BICDL1: variants seen among roughly 807,000 people sequenced by gnomAD.
BICDL1 encodes BICD family like cargo adaptor 1.
BICDL1 carries 20 observed loss-of-function variants against 76.8 expected under a neutral mutation model. The observed-to-expected ratio is 0.26, with a 90% CI of 0.18 to 0.38. The LOEUF is 0.38. Among genes scored for constraint, BICDL1 ranks in the 10% least tolerant of loss-of-function variants. The pLI is 1.00. For missense variants in BICDL1, 700 were observed against 798.6 expected (o/e 0.88, Z 1.49); for synonymous variants, 383 against 337.1 (o/e 1.14, Z -1.49).
intron 9 of BICDL1, among the ~76,000 whole-genome samples, chr12:120,090,549 C>T (rs1041973238): frequency 1.3e-5 from 2 of 151,744 alleles, no homozygotes; most frequent in Admixed American, 6.5e-5. Flanking sequence ...GTCAGTGGGT[C>T]CCTCTCTAGA....
At chr12:120,035,817 C>T (rs1252964258) in intron 2 of BICDL1, among the ~76,000 whole-genome samples, 3 of 152,170 alleles carry the variant, frequency 2.0e-5, no homozygotes, top group Non-Finnish European at 4.4e-5. Context: ...CCTCTTCTTC[C>T]CCCAAGAGGA....
intron 2 of BICDL1, among the ~76,000 whole-genome samples, chr12:120,002,889 G>A (rs1010026461): frequency 1.3e-5 from 2 of 152,164 alleles, no homozygotes; most frequent in African/African-American, 2.4e-5. Flanking sequence ...GGTCATGGTG[G>A]CTCACGCCTG....
At chr12:120,075,581 C>T (rs993145642) in intron 7 of BICDL1, among the ~76,000 whole-genome samples, 3 of 151,982 alleles carry the variant, frequency 2.0e-5, no homozygotes, top group African/African-American at 4.8e-5. Context: ...GATGAGGGTT[C>T]GCCATGTTGC....
chr12:120,023,985 AAC>A (rs1015358546), intron 2 of BICDL1, among the ~76,000 whole-genome samples: 3 of 152,046 alleles, frequency 2.0e-5, no homozygotes, highest in African/African-American at 7.2e-5. Context: ...GAAGATATAA[AAC>A]ACAGACCTAA....
chr12:120,092,179 C>T, intron 9 of BICDL1: 1 of 985,364 alleles, frequency 1.0e-6, no homozygotes, highest in Non-Finnish European at 1.2e-6. Flanking sequence ...AGAATCTAGC[C>T]ACCAAAATGG....
intron 2 of BICDL1, among the ~76,000 whole-genome samples, chr12:120,002,696 G>A (rs1401335788): frequency 6.6e-6 from 1 of 151,976 alleles, no homozygotes; most frequent in Non-Finnish European, 1.5e-5. Flanking sequence ...ATTGATCAAG[G>A]CACTGGGAAT....
chr12:120,040,782 C>T (rs1181869743), intron 2 of BICDL1, among the ~76,000 whole-genome samples: 8 of 139,108 alleles, frequency 5.8e-5, no homozygotes, highest in Non-Finnish European at 1.2e-4. Context: ...CAGTCTCACT[C>T]TGTCGCTCAG....
chr12:119,991,112 C>G lies in BICDL1; in HGVS notation c.429+815C>G, dbSNP rs544774895. On this transcript the variant is annotated intron_variant, in intron 1 of 9. Coordinates refer to ENST00000548673, the MANE Select transcript of BICDL1 (RefSeq NM_001367886.1). ...CTAGAAAAGGGCCTTGAATGCAGTA[C>G]AGAATGCCAGCATTTCTAAAAATTA... 2.0e-5 allele frequency among the ~76,000 whole-genome samples: 3 copies of G among 152,030 alleles called. No homozygotes were observed. The South Asian group carries it at 6.3e-4, about 32-fold the overall frequency.
chr12:120,085,481 G>C (rs943781375), intron 8 of BICDL1, among the ~76,000 whole-genome samples: 6 of 152,138 alleles, frequency 3.9e-5, no homozygotes, highest in Non-Finnish European at 8.8e-5. Context: ...GAATAAAATG[G>C]TAAAATGAAG....
chr12:120,061,599 T>C, intron 2 of BICDL1, 111 bp from the exon 3 acceptor site: 1 of 780,608 alleles, frequency 1.3e-6, no homozygotes, highest in Non-Finnish European at 2.3e-6. Flanking sequence ...CATCTAGTGC[T>C]CCTTAAAGAA....
chr12:120,057,818 CTTTTTTTTTTTTTTTTTT>C (rs143777152), intron 2 of BICDL1, among the ~76,000 whole-genome samples: 2 of 78,324 alleles, frequency 2.6e-5, no homozygotes, highest in African/African-American at 6.4e-5. Flanking sequence ...GCGATTCCTG[CTTTTTTTTTTTTTTTTTT>C]TTTTTTTTTT....
chr12:120,019,699 C>T lies in BICDL1; in HGVS notation c.645+20963C>T, dbSNP rs1241661509. Among the ~76,000 whole-genome samples the T allele has an allele frequency of 3.3e-5, 5 of 152,250 alleles. No individual in the cohort carries two copies. The South Asian group carries it at 6.2e-4, about 19-fold the overall frequency. ...TCCTGGGCTCAACAGATCCCCCTGC[C>T]TCAGCCTCCCAAGTAGCTGGGACTA... On this transcript the variant is annotated intron_variant, in intron 2 of 9. Transcript: ENST00000548673.
chr12:120,084,922 A>T (rs890760870), intron 8 of BICDL1, among the ~76,000 whole-genome samples: 2 of 150,570 alleles, frequency 1.3e-5, no homozygotes, highest in African/African-American at 4.9e-5. Context: ...TCATACTCTA[A>T]CCTCACTTCC....
chr12:120,073,908 C>T (rs1357319606), intron 6 of BICDL1, among the ~76,000 whole-genome samples: 2 of 152,114 alleles, frequency 1.3e-5, no homozygotes, highest in Non-Finnish European at 2.9e-5. Flanking sequence ...ATTGAGCAAT[C>T]TCTTTTTTTT....
At chr12:119,995,648 G>A (rs191236664) in intron 1 of BICDL1, among the ~76,000 whole-genome samples, 3 of 152,272 alleles carry the variant, frequency 2.0e-5, no homozygotes, top group African/African-American at 2.4e-5. Context: ...ATTGCAATTA[G>A]CATTTGTTTC....
chr12:120,022,395 C>G (rs1238356910), intron 2 of BICDL1, among the ~76,000 whole-genome samples: 1 of 147,678 alleles, frequency 6.8e-6, no homozygotes, highest in African/African-American at 2.5e-5. Context: ...GAGACCCTGT[C>G]TCTTAAAAAT....
At chr12:120,034,718 C>T (rs572635416) in intron 2 of BICDL1, among the ~76,000 whole-genome samples, 38 of 152,236 alleles carry the variant, frequency 2.5e-4, no homozygotes, top group African/African-American at 9.1e-4. Context: ...AGCTCCGTGT[C>T]CTCTTCTAAG....
chr12:120,005,841 A>G (rs1459723366), intron 2 of BICDL1, among the ~76,000 whole-genome samples: 4 of 152,218 alleles, frequency 2.6e-5, no homozygotes, highest in African/African-American at 9.6e-5. Context: ...TGTGTTGGTT[A>G]TAGTGATTTA....
At chr12:120,019,262 T>TA (rs879627933) in intron 2 of BICDL1, 199 of 146,096 alleles carry the variant, frequency 1.4e-3, no homozygotes, top group African/African-American at 2.7e-3. Flanking sequence ...CTCTGTCTCT[T>TA]AAAAAAAAAA....
Sources: gnomAD v4.1 joint callset for allele counts (sites outside exome capture counted in the v4.1 genomes callset) on GRCh38, gnomAD v4.1.1 for gene constraint, MANE v1.5 for transcripts, NCBI Gene and HGNC (gene_info 2026-07-23, HGNC 2026-07-21) for gene names.